Variants in GABRB1 observed in about 807,000 individuals in gnomAD.
The protein encoded by GABRB1 is gamma-aminobutyric acid type A receptor subunit beta1.
GABRB1 carries 17 observed loss-of-function variants against 51.6 expected under a neutral mutation model. That is an observed-to-expected ratio of 0.33 (90% CI 0.23 to 0.49). GABRB1 has a LOEUF of 0.49. Among genes scored for constraint, GABRB1 ranks in the 20% least tolerant of loss-of-function variants. The pLI, the probability that GABRB1 is intolerant of heterozygous loss-of-function variation, is 0.99. For missense variants in GABRB1, 410 were observed against 600.6 expected (o/e 0.68, Z 3.32); for synonymous variants, 247 against 218.9 (o/e 1.13, Z -1.14).
At chr4:47,346,478 A>C (rs1389623909) in intron 5 of GABRB1, among the ~76,000 whole-genome samples, 2 of 147,610 alleles carry the variant, frequency 1.4e-5, no homozygotes, top group Non-Finnish European at 3.1e-5. Context: ...AAGAAAAGAC[A>C]TGGCATTAAT....
At chr4:47,168,047 A>G (rs1397237546) in intron 4 of GABRB1, among the ~76,000 whole-genome samples, 1 of 152,194 alleles carries the variant, frequency 6.6e-6, no homozygotes, top group Non-Finnish European at 1.5e-5. Context: ...TAGGTCTGTT[A>G]TGCATACATT....
At chr4:47,253,346 T>C (rs1722066090) in intron 4 of GABRB1, among the ~76,000 whole-genome samples, 1 of 152,156 alleles carries the variant, frequency 6.6e-6, no homozygotes, top group East Asian at 1.9e-4. Context: ...GAAATATAGT[T>C]TTATGTAAGG....
Position 47,393,060 on chromosome 4 carries a change from C to T in GABRB1, c.545-10258C>T, listed in dbSNP as rs145720705. 2.3e-3 allele frequency among the ~76,000 whole-genome samples: 353 copies of T among 152,306 alleles called. 1 individual carries two copies. Among genetic ancestry groups the T allele is most frequent in the African/African-American group, 7.9e-3 (329 of 41,582 alleles). ...TGTCAGAGGTAGTGTTTGAAGCATCCGTTTTGCTGGTGCAGATCATAACTC... is the reference window on the plus strand; with the variant it reads ...TGTCAGAGGTAGTGTTTGAAGCATCTGTTTTGCTGGTGCAGATCATAACTC... On this transcript the variant is annotated intron_variant, in intron 5 of 8. Transcript: ENST00000295454.
chr4:47,309,523 G>A (rs752865658), intron 4 of GABRB1, among the ~76,000 whole-genome samples: 25 of 152,082 alleles, frequency 1.6e-4, no homozygotes, highest in Admixed American at 6.6e-4. Context: ...AAGAATAGCA[G>A]TGAGAATGCT....
At chr4:47,164,735 T>TG in intron 4 of GABRB1, among the ~76,000 whole-genome samples, 1 of 152,244 alleles carries the variant, frequency 6.6e-6, no homozygotes, top group East Asian at 1.9e-4. Flanking sequence ...TAGAGTCAGT[T>TG]GTCTATTTTT....
intron 3 of GABRB1, among the ~76,000 whole-genome samples, chr4:47,114,735 G>C (rs1482871067): frequency 6.6e-6 from 1 of 152,130 alleles, no homozygotes; most frequent in East Asian, 1.9e-4. Context: ...TTTGAAACTT[G>C]TACTAGCTAC....
At chr4:47,032,827 C>CG in intron 3 of GABRB1, 1 of 482,932 alleles carries the variant, frequency 2.1e-6, no homozygotes, top group Non-Finnish European at 4.2e-6. Flanking sequence ...GGCAGCCGGG[C>CG]GGCCTGCACT....
At chr4:47,007,385 G>T (rs1379418010) in intron 1 of GABRB1, among the ~76,000 whole-genome samples, 2 of 152,158 alleles carry the variant, frequency 1.3e-5, no homozygotes, top group Non-Finnish European at 2.9e-5. Context: ...AGAACACATT[G>T]ACAAAACTAA....
chr4:47,394,545 A>G (rs1190211719), intron 5 of GABRB1, among the ~76,000 whole-genome samples: 1 of 152,252 alleles, frequency 6.6e-6, no homozygotes, highest in South Asian at 2.1e-4. Context: ...TAGATATGCT[A>G]CTAAAATCCA....
intron 4 of GABRB1, among the ~76,000 whole-genome samples, chr4:47,168,552 T>C (rs569527241): frequency 6.6e-6 from 1 of 152,288 alleles, no homozygotes; most frequent in African/African-American, 2.4e-5. Context: ...TTAGATTACC[T>C]GCTTTTAGGG....
chr4:47,425,480 T>TAGATAGATA (rs112418414), intron 8 of GABRB1, among the ~76,000 whole-genome samples, 194 bp from the exon 9 acceptor site: 71 of 142,432 alleles, frequency 5.0e-4, no homozygotes, highest in African/African-American at 1.2e-3. Context: ...TGGATGATGA[T>TAGATAGATA]GATAGATAGA....
At chr4:47,192,066 C>G (rs1204213997) in intron 4 of GABRB1, among the ~76,000 whole-genome samples, 1 of 151,842 alleles carries the variant, frequency 6.6e-6, no homozygotes, top group Non-Finnish European at 1.5e-5. Flanking sequence ...TTTTACCATC[C>G]TTGGAAAAAC....
chr4:47,061,217 T>G (rs1227101857), intron 3 of GABRB1, among the ~76,000 whole-genome samples: 2 of 152,216 alleles, frequency 1.3e-5, no homozygotes, highest in African/African-American at 2.4e-5. Flanking sequence ...CTGTAAAAAG[T>G]GACTTTTTTC....
At position 47,230,041 on chromosome 4, in the gene GABRB1, A is replaced by G. The variant is rs544170603; in HGVS notation, c.461+68572A>G. Among the ~76,000 whole-genome samples, 4 of 152,322 alleles carry G rather than the reference A, an allele frequency of 2.6e-5. No homozygotes were observed. In the South Asian group the frequency reaches 8.3e-4, roughly 32 times the overall value. On this transcript the variant is annotated intron_variant, in intron 4 of 8. Transcript: ENST00000295454. ...ACTTTATTGGGTTGTGCTAGCTATT[A>G]AAGATAACACTTTACAAAATAGTCA...
chr4:47,092,161 CTTTCTTTTTTTTTTTTT>C (rs1408295407), intron 3 of GABRB1, among the ~76,000 whole-genome samples: 2 of 68,228 alleles, frequency 2.9e-5, no homozygotes, highest in Non-Finnish European at 2.8e-5. Flanking sequence ...TTCTTTCTTT[CTTTCTTTTTTTTTTTTT>C]TTTTTTTTTT....
intron 4 of GABRB1, among the ~76,000 whole-genome samples, chr4:47,206,548 T>C (rs1013981296): frequency 4.6e-5 from 7 of 152,006 alleles, no homozygotes; most frequent in African/African-American, 1.7e-4. Context: ...ATAGCCAACA[T>C]TGTTTTGTTG....
In GABRB1 at chr4:47,263,685, C is replaced by G. The variant is rs547832046; in HGVS notation, c.462-56442C>G. ...AACAAAAAGAACTAGAGGGAAACAA[C>G]AGCAGGGAGGGAATATCAATAAATA... is the stretch of plus-strand genomic sequence containing the variant. On this transcript the variant is annotated intron_variant, in intron 4 of 8. Coordinates refer to ENST00000295454, the MANE Select transcript of GABRB1 (RefSeq NM_000812.4). Among the ~76,000 whole-genome samples the G allele has an allele frequency of 1.9e-3, 284 of 152,238 alleles. 2 individuals are homozygous for G. Among genetic ancestry groups the G allele is most frequent in the Non-Finnish European group, 1.7e-3 (119 of 68,002 alleles).
intron 4 of GABRB1, among the ~76,000 whole-genome samples, chr4:47,283,287 T>C (rs1015281386): frequency 2.0e-5 from 3 of 148,412 alleles, no homozygotes; most frequent in Non-Finnish European, 3.0e-5. Context: ...AAAGCATTTG[T>C]AGATGAGGGA....
intron 4 of GABRB1, among the ~76,000 whole-genome samples, chr4:47,222,895 T>A (rs977835284): frequency 6.6e-6 from 1 of 152,168 alleles, no homozygotes; most frequent in Non-Finnish European, 1.5e-5. Flanking sequence ...TCTTCTTATC[T>A]AAAAAATTCA....
Sources: allele counts gnomAD v4.1 joint callset (sites outside exome capture counted in the v4.1 genomes callset), GRCh38; gene constraint gnomAD v4.1.1; transcripts MANE v1.5; gene names NCBI Gene and HGNC (gene_info 2026-07-23, HGNC 2026-07-21).